The following BANK1 variants were observed in gnomAD, a reference collection of about 807,000 sequenced individuals.
The protein encoded by BANK1 is B-cell scaffold protein with ankyrin repeats.
Under a neutral mutation model 94.5 loss-of-function variants are expected in BANK1, and 95 were observed. The observed-to-expected ratio is 1.00, with a 90% CI of 0.85 to 1.19. BANK1 has a LOEUF of 1.19. Ranked by LOEUF, BANK1 falls within the 50% of genes most tolerant of loss-of-function variation. BANK1 has a pLI of 0.00. For synonymous variants in BANK1, 334 were observed against 308.4 expected (o/e 1.08, Z -0.87); for missense variants, 987 against 932.2 (o/e 1.06, Z -0.77).
At chr4:101,870,754 A>G in intron 5 of BANK1, 110 bp downstream of exon 5, 1 of 1,220,472 alleles carries the variant, frequency 8.2e-7, no homozygotes, top group Non-Finnish European at 1.1e-6. Context: ...ATAACAGTGA[A>G]TTACTACCAA....
chr4:101,797,622 TG>T (rs1474183672), intron 1 of BANK1, among the ~76,000 whole-genome samples: 1 of 152,032 alleles, frequency 6.6e-6, no homozygotes, highest in Non-Finnish European at 1.5e-5. Context: ...GGGACAAAAA[TG>T]TGAAGAATGA....
intron 7 of BANK1, among the ~76,000 whole-genome samples, chr4:101,986,468 C>T (rs1044758733): frequency 6.6e-6 from 1 of 152,016 alleles, no homozygotes; most frequent in African/African-American, 2.4e-5. Context: ...ATTCAAATTA[C>T]ATGGATCTTG....
rs1429566597 is a variant in BANK1 at position 102,043,926 on chromosome 4, A to T, written c.1969+19A>T. ...AAACAAGGTACTAACACTAACTTCAATCTATTTAGTAATCTCTAGGTAAAA... is the reference window on the plus strand; with the variant it reads ...AAACAAGGTACTAACACTAACTTCATTCTATTTAGTAATCTCTAGGTAAAA... On this transcript the variant is annotated intron_variant, in intron 11 of 16. Transcript: ENST00000322953. 1.4e-6 allele frequency: 2 copies of T among 1,441,138 alleles called. No individual in the cohort carries two copies. Among genetic ancestry groups the T allele is most frequent in the Non-Finnish European group, 1.9e-6 (2 of 1,028,752 alleles). 89.3% of individuals were successfully genotyped at this position (1,441,138 alleles called of 1,614,324 possible). A position where few individuals can be genotyped will look rare whatever the true frequency, so the allele number is the denominator to read the frequency against.
At chr4:101,856,039 G>A (rs1727666463) in intron 3 of BANK1, among the ~76,000 whole-genome samples, 1 of 152,196 alleles carries the variant, frequency 6.6e-6, no homozygotes, top group Non-Finnish European at 1.5e-5. Flanking sequence ...CAGAGATACA[G>A]GAGAGCGTTA....
chr4:101,888,146 T>C (rs1296915399), intron 5 of BANK1, among the ~76,000 whole-genome samples: 2 of 152,214 alleles, frequency 1.3e-5, no homozygotes, highest in East Asian at 1.9e-4. Flanking sequence ...CAATTTGTTA[T>C]AAGAAGAAGA....
Position 101,855,160 on chromosome 4 carries a change from G to T in BANK1, c.595G>T (p.Val199Leu). Residue 199 changes from valine to leucine, a missense_variant, in exon 3 of 17, where the codon GTG (valine) becomes TTG (leucine). By Grantham distance (32) the Val-to-Leu change is conservative. Coordinates refer to ENST00000322953, the MANE Select transcript of BANK1 (RefSeq NM_017935.5). ...EASRNTIPLA[V>L]VLPTEIPCEN... ...TTCAAGAAACACCATACCACTAGCAGTGGTGCTTCCCACTGAAATTCCATG... is the reference window on the plus strand; with the variant it reads ...TTCAAGAAACACCATACCACTAGCATTGGTGCTTCCCACTGAAATTCCATG... 6.2e-7 allele frequency: 1 copy of T among 1,613,448 alleles called. No individual in the cohort carries two copies. Among genetic ancestry groups the T allele is most frequent in the South Asian group, 1.1e-5 (1 of 91,018 alleles).
chr4:102,045,518 G>A (rs1344118303), intron 11 of BANK1, among the ~76,000 whole-genome samples: 2 of 152,046 alleles, frequency 1.3e-5, no homozygotes, highest in African/African-American at 2.4e-5. Context: ...GTTTGCAGAC[G>A]ACATGATTGT....
chr4:101,932,183 G>T (rs554242727), intron 7 of BANK1, among the ~76,000 whole-genome samples: 1 of 151,324 alleles, frequency 6.6e-6, no homozygotes, highest in Admixed American at 6.6e-5. Context: ...CCAAAACATC[G>T]GTGGATCCTT....
At chr4:101,803,386 G>T (rs969482230) in intron 1 of BANK1, among the ~76,000 whole-genome samples, 1 of 152,086 alleles carries the variant, frequency 6.6e-6, no homozygotes, top group Non-Finnish European at 1.5e-5. Context: ...GCTGAGTAGT[G>T]GGGCACACAC....
intron 3 of BANK1, among the ~76,000 whole-genome samples, chr4:101,856,336 A>G (rs1727679125): frequency 6.6e-6 from 1 of 152,208 alleles, no homozygotes; most frequent in Non-Finnish European, 1.5e-5. Context: ...AGGTATGAGG[A>G]AACTGACACA....
intron 1 of BANK1, among the ~76,000 whole-genome samples, chr4:101,823,387 G>A (rs1448138878): frequency 6.6e-6 from 1 of 151,956 alleles, no homozygotes; most frequent in Non-Finnish European, 1.5e-5. Context: ...TATTATTGTG[G>A]TAATATTTTG....
intron 6 of BANK1, among the ~76,000 whole-genome samples, chr4:101,897,950 G>A (rs372430904): frequency 2.0e-5 from 3 of 151,250 alleles, no homozygotes; most frequent in African/African-American, 7.3e-5. Context: ...TAATTTAATG[G>A]TAATTTTGTA....
chr4:101,792,467 G>GT (rs753512181), intron 1 of BANK1, among the ~76,000 whole-genome samples: 6 of 94,326 alleles, frequency 6.4e-5, no homozygotes, highest in Non-Finnish European at 1.3e-4. Flanking sequence ...GTGTGTGTGT[G>GT]TGTTTTTTTT....
chr4:101,952,475 T>C (rs1724198073), intron 7 of BANK1, among the ~76,000 whole-genome samples: 1 of 152,116 alleles, frequency 6.6e-6, no homozygotes, highest in African/African-American at 2.4e-5. Context: ...AAAATAAAAC[T>C]TAAGCGAAAG....
At chr4:101,948,944 ATTT>A (rs1333604842) in intron 7 of BANK1, among the ~76,000 whole-genome samples, 5 of 151,996 alleles carry the variant, frequency 3.3e-5, no homozygotes, top group Non-Finnish European at 7.4e-5. Flanking sequence ...ATTAATTTTT[ATTT>A]TTATGAATTT....
intron 4 of BANK1, among the ~76,000 whole-genome samples, chr4:101,864,406 G>A (rs1475295247): frequency 6.6e-6 from 1 of 152,156 alleles, no homozygotes; most frequent in East Asian, 1.9e-4. Context: ...CAGTACATAT[G>A]CACAGATATA....
intron 1 of BANK1, among the ~76,000 whole-genome samples, chr4:101,802,182 A>G (rs1725376837): frequency 6.6e-6 from 1 of 152,196 alleles, no homozygotes; most frequent in Non-Finnish European, 1.5e-5. Flanking sequence ...CATTTAAAGG[A>G]CCACGCCCTT....
intron 7 of BANK1, among the ~76,000 whole-genome samples, chr4:101,946,923 G>A (rs777190693): frequency 3.3e-5 from 5 of 151,716 alleles, no homozygotes; most frequent in Non-Finnish European, 7.4e-5. Context: ...GTAAAGCAAT[G>A]CATTTTCTTT....
chr4:101,796,451 A>G (rs1725159350), intron 1 of BANK1, among the ~76,000 whole-genome samples: 1 of 152,178 alleles, frequency 6.6e-6, no homozygotes, highest in African/African-American at 2.4e-5. Flanking sequence ...TCCATTGAAA[A>G]TTAAACAATC....
Sources: gnomAD v4.1 joint callset for allele counts (sites outside exome capture counted in the v4.1 genomes callset) on GRCh38, gnomAD v4.1.1 for gene constraint, MANE v1.5 for transcripts, NCBI Gene and HGNC (gene_info 2026-07-23, HGNC 2026-07-21) for gene names.